The following MUC7 variants were observed in gnomAD, a reference collection of about 807,000 sequenced individuals.
The protein encoded by MUC7 is mucin 7, secreted, also known as mucin-7.
A neutral mutation model predicts 2.5 loss-of-function variants in MUC7; 2 were observed. That is an observed-to-expected ratio of 0.81 (90% CI 0.33 to 2.55). The LOEUF is 2.55. Among genes scored for constraint, MUC7 ranks in the 30% most tolerant of loss-of-function variants. MUC7 has a pLI of 0.11. For synonymous variants in MUC7, 133 were observed against 173.4 expected, an observed-to-expected ratio of 0.77 and a Z score of 1.83; for missense variants, 408 against 455.6, an observed-to-expected ratio of 0.90 and a Z score of 0.95.
chr4:70,461,512 C>T (rs1466190378), intron 1 of MUC7, among the ~76,000 whole-genome samples: 1 of 152,212 alleles, frequency 6.6e-6, no homozygotes, highest in Non-Finnish European at 1.5e-5. Flanking sequence ...TGAGTATCCA[C>T]TGATCCTTCT....
chr4:70,434,506 T>C (rs1238631018), intron 1 of MUC7, among the ~76,000 whole-genome samples: 4 of 152,224 alleles, frequency 2.6e-5, no homozygotes. Context: ...TTTATTTGCA[T>C]AGAGGTGTTT....
At position 70,481,927 on chromosome 4, in the gene MUC7, G is replaced by A. The variant is rs1735210347; in HGVS notation, c.*49G>A. 1.3e-6 allele frequency: 2 copies of A among 1,578,114 alleles called. No homozygotes were observed. Among genetic ancestry groups the A allele is most frequent in the South Asian group, 2.4e-5 (2 of 84,192 alleles). On this transcript the variant is annotated 3_prime_UTR_variant, in exon 3 of 3. Transcript: ENST00000304887. ...CTGTCATTTACAAGATGTGATTCATGAGTGCAGAACTACCACCTTTCTTTT... is the reference window on the plus strand; with the variant it reads ...CTGTCATTTACAAGATGTGATTCATAAGTGCAGAACTACCACCTTTCTTTT...
chr4:70,445,859 A>G (rs536543441), intron 1 of MUC7, among the ~76,000 whole-genome samples: 2 of 152,378 alleles, frequency 1.3e-5, no homozygotes, highest in East Asian at 1.9e-4. Flanking sequence ...GAATGAATGT[A>G]CAACGGAACA....
intron 1 of MUC7, among the ~76,000 whole-genome samples, chr4:70,460,328 T>C (rs574528569): frequency 6.6e-6 from 1 of 152,320 alleles, no homozygotes; most frequent in Non-Finnish European, 1.5e-5. Context: ...TCATCAAGGA[T>C]GGTTCCATAA....
At position 70,481,294 on chromosome 4, in the gene MUC7, G is replaced by T; in HGVS notation, c.550G>T (p.Ala184Ser). ...TACACCAGCTCCACCATCTTCCTCAGCTCCACCAGAGACCACAGCTGCCCC... is the reference window on the plus strand; with the variant it reads ...TACACCAGCTCCACCATCTTCCTCATCTCCACCAGAGACCACAGCTGCCCC... ...ATTPAPPSSSAPPETTAAPPT... is the reference protein window; with the variant it reads ...ATTPAPPSSSSPPETTAAPPT... The change falls in exon 3 of 3, where the codon GCT becomes TCT. Residue 184 changes from alanine (A) to serine (S), a missense_variant. Around this residue, in one of 3 missense-constraint regions of MUC7, gnomAD observed 225 missense variants for 240.5 expected, o/e 0.94. Transcript: ENST00000304887. 1 of 1,612,854 alleles carries T rather than the reference G, an allele frequency of 6.2e-7. No individual in the cohort carries two copies. The highest frequency in any genetic ancestry group is 8.5e-7 in the Non-Finnish European group (1 of 1,179,634).
chr4:70,482,049 G>A lies in MUC7; in HGVS notation c.*171G>A. 2 of 837,378 alleles carry A rather than the reference G, an allele frequency of 2.4e-6. No individual in the cohort carries two copies. The highest frequency in any genetic ancestry group is 1.8e-6 in the Non-Finnish European group (1 of 558,078). 51.9% of individuals were successfully genotyped at this position (837,378 alleles called of 1,614,324 possible). A position where few individuals can be genotyped will look rare whatever the true frequency, so the allele number is the denominator to read the frequency against. ...TCACCACCACAAGACCTATTAACAA[G>A]ACAAAATGCCTCTATCCCACAAGCC... On this transcript the variant is annotated 3_prime_UTR_variant, in exon 3 of 3. Coordinates refer to ENST00000304887, the MANE Select transcript of MUC7 (RefSeq NM_152291.3).
At chr4:70,470,432 A>C (rs1157985002), upstream of MUC7, among the ~76,000 whole-genome samples, 3 of 151,970 alleles carry the variant, frequency 2.0e-5, no homozygotes, top group Non-Finnish European at 4.4e-5. Flanking sequence ...TAAATGCATA[A>C]GTGTTACTCA....
At chr4:70,445,257 T>C (rs1734102564) in intron 1 of MUC7, among the ~76,000 whole-genome samples, 1 of 152,170 alleles carries the variant, frequency 6.6e-6, no homozygotes, top group Middle Eastern at 3.2e-3. Flanking sequence ...CTCAGCCACA[T>C]CTGCCTCCTC....
At chr4:70,437,439 T>TC (rs1446595088) in intron 1 of MUC7, among the ~76,000 whole-genome samples, 1 of 151,112 alleles carries the variant, frequency 6.6e-6, no homozygotes, top group South Asian at 2.1e-4. Flanking sequence ...CAAATGCCCC[T>TC]CCCCCCGCCA....
intron 1 of MUC7, among the ~76,000 whole-genome samples, chr4:70,450,773 T>C (rs1348079845): frequency 1.3e-5 from 2 of 152,154 alleles, no homozygotes; most frequent in Non-Finnish European, 2.9e-5. Flanking sequence ...AAGGGCCTCA[T>C]GACTCTGACC....
intron 1 of MUC7, among the ~76,000 whole-genome samples, chr4:70,466,112 C>A (rs1172243824): frequency 6.6e-6 from 1 of 152,174 alleles, no homozygotes; most frequent in Admixed American, 6.5e-5. Flanking sequence ...ATTCAACATT[C>A]TTAAAGAAAA....
intron 1 of MUC7, among the ~76,000 whole-genome samples, chr4:70,456,394 T>TCA (rs1395474630): frequency 2.0e-5 from 3 of 152,204 alleles, no homozygotes; most frequent in Admixed American, 6.5e-5. Flanking sequence ...TAGTCCATTT[T>TCA]CACACTGCTA....
chr4:70,467,474 G>A (rs1488574767), upstream of MUC7, among the ~76,000 whole-genome samples: 1 of 152,068 alleles, frequency 6.6e-6, no homozygotes, highest in Non-Finnish European at 1.5e-5. Flanking sequence ...TCCAGGAGTT[G>A]GTTTTTTGAA....
At chr4:70,444,207 C>T (rs866646471) in intron 1 of MUC7, among the ~76,000 whole-genome samples, 32 of 152,320 alleles carry the variant, frequency 2.1e-4, no homozygotes, top group African/African-American at 7.0e-4. Context: ...CTTGACACCA[C>T]GGTGGCCTCC....
Position 70,462,017 on chromosome 4 carries a change from G to T in MUC7, c.-92-10198G>T, listed in dbSNP as rs200466294. On this transcript the variant is annotated intron_variant, in intron 1 of 3. Transcript: ENST00000413702. ...ACTTGGGCCCAGGAGCTCAACACCA[G>T]CCTGGGCAACATAAGGGGACCCCGT... is the stretch of plus-strand genomic sequence containing the variant. Among the ~76,000 whole-genome samples the T allele has an allele frequency of 2.0e-5, 3 of 152,210 alleles. No individual in the cohort carries two copies. In the East Asian group the frequency reaches 5.8e-4, roughly 29 times the overall value.
chr4:70,436,126 C>T (rs1298514314), intron 1 of MUC7, among the ~76,000 whole-genome samples: 1 of 152,126 alleles, frequency 6.6e-6, no homozygotes, highest in Non-Finnish European at 1.5e-5. Context: ...TCTCTGGCTG[C>T]CCTTAACATT....
At chr4:70,453,210 T>C (rs1734323296) in intron 1 of MUC7, among the ~76,000 whole-genome samples, 1 of 152,224 alleles carries the variant, frequency 6.6e-6, no homozygotes, top group African/African-American at 2.4e-5. Context: ...ATTCTTCCTT[T>C]CAGGACAGCC....
At chr4:70,459,035 G>C (rs4544774) in intron 1 of MUC7, among the ~76,000 whole-genome samples, 1 of 152,046 alleles carries the variant, frequency 6.6e-6, no homozygotes, top group African/African-American at 2.4e-5. Flanking sequence ...GAAATATAAA[G>C]CAGTATTATA....
intron 1 of MUC7, among the ~76,000 whole-genome samples, chr4:70,444,331 C>G (rs377055735): frequency 3.9e-5 from 6 of 152,174 alleles, no homozygotes; most frequent in African/African-American, 1.4e-4. Context: ...CCTTAGGAAC[C>G]AAATCTGTGG....
Sources: allele counts gnomAD v4.1 joint callset (sites outside exome capture counted in the v4.1 genomes callset), GRCh38; gene constraint gnomAD v4.1.1; regional missense constraint gnomAD v4.1.1; transcripts MANE v1.5; gene names NCBI Gene and HGNC (gene_info 2026-07-23, HGNC 2026-07-21).